SH3PXD2B: variants seen among roughly 807,000 people sequenced by gnomAD.
The protein encoded by SH3PXD2B is SH3 and PX domains 2B, also known as SH3 and PX domain-containing protein 2B.
In SH3PXD2B, 37 loss-of-function variants were observed where a neutral mutation model predicts 73.1. That is an observed-to-expected ratio of 0.51 (90% CI 0.39 to 0.67). The LOEUF (loss-of-function observed/expected upper bound fraction) is 0.67. Ranked by LOEUF, SH3PXD2B falls within the 30% of genes least tolerant of loss-of-function variation. SH3PXD2B has a pLI of 0.00. For synonymous variants in SH3PXD2B, 457 were observed against 480.5 expected (o/e 0.95, Z 0.64); for missense variants, 1,053 against 1,197.8 (o/e 0.88, Z 1.78).
chr5:172,444,884 TG>T (rs972880453), intron 1 of SH3PXD2B, among the ~76,000 whole-genome samples: 1 of 151,862 alleles, frequency 6.6e-6, no homozygotes, highest in Non-Finnish European at 1.5e-5. Context: ...ATGGCCTTCC[TG>T]GGGGGGGACC....
downstream of SH3PXD2B, chr5:172,333,484 CAT>C (rs1245530723): frequency 1.7e-5 from 20 of 1,160,912 alleles, no homozygotes; most frequent in African/African-American, 3.2e-4. Context: ...AAATAAAATC[CAT>C]AGACACTGCA....
At chr5:172,423,815 G>A (rs1759032410) in intron 1 of SH3PXD2B, among the ~76,000 whole-genome samples, 1 of 152,138 alleles carries the variant, frequency 6.6e-6, no homozygotes, top group Admixed American at 6.5e-5. Flanking sequence ...GCTAATTTTT[G>A]TATTTTTAGT....
In SH3PXD2B at chr5:172,335,711, G is replaced by A; in HGVS notation, c.*2658C>T. 2 of 1,231,732 alleles carry A rather than the reference G, an allele frequency of 1.6e-6. No individual in the cohort carries two copies. The highest frequency in any genetic ancestry group is 2.0e-6 in the Non-Finnish European group (2 of 987,982). The allele number at this position is 1,231,732 out of a possible 1,614,324, so 76.3% of individuals were successfully genotyped here. A position where few individuals can be genotyped will look rare whatever the true frequency, so the allele number is the denominator to read the frequency against. ...AATCGCTCACAGAATAGCGACCACA[G>A]TCCTGGATGGGGTAAATCTAAGTCC... On this transcript the variant is annotated 3_prime_UTR_variant, in exon 13 of 13. Coordinates refer to ENST00000311601, the MANE Select transcript of SH3PXD2B (RefSeq NM_001017995.3).
In SH3PXD2B at chr5:172,428,752, C is replaced by T. The variant is rs920974774; in HGVS notation, c.76-6256G>A. 3.3e-5 allele frequency among the ~76,000 whole-genome samples: 5 copies of T among 152,158 alleles called. No homozygotes were observed. In the East Asian group the frequency reaches 9.6e-4, roughly 29 times the overall value. On this transcript the variant is annotated intron_variant, in intron 1 of 12. Coordinates refer to ENST00000311601, the MANE Select transcript of SH3PXD2B (RefSeq NM_001017995.3). Reference sequence around the variant, plus strand: ...TGGTATTGTTGCCAACAATGTTTAACTTGAGCTCGAGCTCTTGACCTAGGT... The same window carrying T: ...TGGTATTGTTGCCAACAATGTTTAATTTGAGCTCGAGCTCTTGACCTAGGT...
chr5:172,441,704 C>A (rs1759553053), intron 1 of SH3PXD2B, among the ~76,000 whole-genome samples: 1 of 152,020 alleles, frequency 6.6e-6, no homozygotes, highest in Non-Finnish European at 1.5e-5. Context: ...TTGACAATGC[C>A]CCAACCGAAT....
chr5:172,387,986 T>C (rs1362139176), intron 4 of SH3PXD2B, among the ~76,000 whole-genome samples: 1 of 152,204 alleles, frequency 6.6e-6, no homozygotes, highest in Non-Finnish European at 1.5e-5. Flanking sequence ...CAGGGATAAG[T>C]TATCTTTTTT....
chr5:172,363,780 C>A (rs1032993436), intron 6 of SH3PXD2B, among the ~76,000 whole-genome samples: 1 of 152,056 alleles, frequency 6.6e-6, no homozygotes, highest in Admixed American at 6.6e-5. Context: ...TCAGATCAGG[C>A]AGGGCCTTTG....
At chr5:172,448,706 C>T (rs1465018242) in intron 1 of SH3PXD2B, among the ~76,000 whole-genome samples, 3 of 152,210 alleles carry the variant, frequency 2.0e-5, no homozygotes, top group Non-Finnish European at 4.4e-5. Flanking sequence ...CCTGCACAAT[C>T]GTCCCAGAAG....
intron 4 of SH3PXD2B, among the ~76,000 whole-genome samples, chr5:172,391,194 G>C (rs907754979): frequency 6.6e-6 from 1 of 151,904 alleles, no homozygotes; most frequent in African/African-American, 2.4e-5. Flanking sequence ...CCATCACTTG[G>C]TATTGTCCTG....
intron 6 of SH3PXD2B, among the ~76,000 whole-genome samples, chr5:172,364,934 A>C (rs974241107): frequency 2.6e-5 from 4 of 152,182 alleles, no homozygotes; most frequent in African/African-American, 4.8e-5. Flanking sequence ...CTGCAACCAG[A>C]AGCAGCACAG....
chr5:172,364,234 A>T (rs1581276605), intron 6 of SH3PXD2B, among the ~76,000 whole-genome samples: 1 of 152,196 alleles, frequency 6.6e-6, no homozygotes, highest in East Asian at 1.9e-4. Flanking sequence ...AGCAGGCTAA[A>T]TGTGGGGGAA....
intron 3 of SH3PXD2B, among the ~76,000 whole-genome samples, chr5:172,401,430 C>T (rs1410448487): frequency 6.6e-6 from 1 of 152,202 alleles, no homozygotes; most frequent in Non-Finnish European, 1.5e-5. Context: ...TTAAACCCCA[C>T]GACTTGGATT....
chr5:172,423,873 C>T (rs930459641), intron 1 of SH3PXD2B, among the ~76,000 whole-genome samples: 15 of 152,136 alleles, frequency 9.9e-5, no homozygotes, highest in Non-Finnish European at 2.1e-4. Context: ...GAACTCTTGA[C>T]CTCAAGTGAT....
At position 172,346,250 on chromosome 5, in the gene SH3PXD2B, G is replaced by A. The variant is rs1581263836; in HGVS notation, c.1074C>T (p.Leu358=). 6.2e-7 allele frequency: 1 copy of A among 1,613,918 alleles called. No individual in the cohort carries two copies. ...GCGGGATGGGCGGCTTCGGCAGGTT[G>A]AGGCCTCGAGGCTGGTACGATCACA... is the stretch of plus-strand genomic sequence containing the variant. ...PRRDMTIPRG[L]NLPKPPIPPQ... Residue 358 remains leucine (L), a synonymous_variant, in exon 12 of 13, where the codon CTC becomes CTT. Coordinates refer to ENST00000311601, the MANE Select transcript of SH3PXD2B (RefSeq NM_001017995.3).
Position 172,406,258 on chromosome 5 carries a change from G to C in SH3PXD2B, c.232+19C>G, listed in dbSNP as rs752225117. 8 of 1,613,680 alleles carry C rather than the reference G, an allele frequency of 5.0e-6. No homozygotes were observed. The highest frequency in any genetic ancestry group is 2.2e-5 in the East Asian group (1 of 44,864). ...CAGAGCCCCCAGTGTCCCAGTCTGAGAGCACCCATCTCACCTACCTGGCAG... is the reference window on the plus strand; with the variant it reads ...CAGAGCCCCCAGTGTCCCAGTCTGACAGCACCCATCTCACCTACCTGGCAG... On this transcript the variant is annotated intron_variant, in intron 3 of 12. Coordinates refer to ENST00000311601, the MANE Select transcript of SH3PXD2B (RefSeq NM_001017995.3).
At chr5:172,340,056 G>A in intron 12 of SH3PXD2B, 140 bp from the exon 13 acceptor site, 1 of 1,475,442 alleles carries the variant, frequency 6.8e-7, no homozygotes, top group Non-Finnish European at 9.2e-7. Context: ...GGTCTACAGG[G>A]ACCACCAATG....
intron 4 of SH3PXD2B, among the ~76,000 whole-genome samples, chr5:172,387,123 G>A (rs995247051): frequency 6.6e-6 from 1 of 152,200 alleles, no homozygotes; most frequent in African/African-American, 2.4e-5. Context: ...AGTCTCAAGT[G>A]ACTGGAGCCT....
chr5:172,446,637 C>T (rs1260951136), intron 1 of SH3PXD2B, among the ~76,000 whole-genome samples: 1 of 152,216 alleles, frequency 6.6e-6, no homozygotes, highest in East Asian at 1.9e-4. Context: ...TGCTTGCCGA[C>T]TTGCCTGCAC....
chr5:172,440,318 G>C (rs1187460504), intron 1 of SH3PXD2B, among the ~76,000 whole-genome samples: 1 of 152,190 alleles, frequency 6.6e-6, no homozygotes, highest in Non-Finnish European at 1.5e-5. Flanking sequence ...CTGGGTTTCT[G>C]CCACTCCACC....
Sources: gnomAD v4.1 joint callset for allele counts (sites outside exome capture counted in the v4.1 genomes callset) on GRCh38, gnomAD v4.1.1 for gene constraint, MANE v1.5 for transcripts, NCBI Gene and HGNC (gene_info 2026-07-23, HGNC 2026-07-21) for gene names.